SNX18: variants seen among roughly 807,000 people sequenced by gnomAD.
SNX18 encodes sorting nexin-18.
A neutral mutation model predicts 48.7 loss-of-function variants in SNX18; 35 were observed. That is an observed-to-expected ratio of 0.72 (90% CI 0.55 to 0.95). The LOEUF (loss-of-function observed/expected upper bound fraction) is 0.95, where lower values mean the gene tolerates loss of function less well. SNX18 is among the 40% of genes least tolerant of loss of function. SNX18 has a pLI of 0.00. For synonymous variants in SNX18, 492 were observed against 384.7 expected (o/e 1.28, Z -3.26); for missense variants, 824 against 871.0 (o/e 0.95, Z 0.68).
the SNX18 span, among the ~76,000 whole-genome samples, chr5:54,633,679 A>C: frequency 1.3e-5 from 2 of 152,226 alleles, no homozygotes; most frequent in Admixed American, 6.5e-5. Flanking sequence ...GTGTGGTAGA[A>C]ATACTCAACA....
chr5:54,522,048 G>C (rs1762042447), intron 1 of SNX18, among the ~76,000 whole-genome samples: 1 of 152,218 alleles, frequency 6.6e-6, no homozygotes, highest in Non-Finnish European at 1.5e-5. Context: ...TGTTTCTGCT[G>C]TAACCTTGGT....
chr5:54,598,682 C>A, the SNX18 span, among the ~76,000 whole-genome samples: 1 of 152,130 alleles, frequency 6.6e-6, no homozygotes, highest in Non-Finnish European at 1.5e-5. Flanking sequence ...AATTCAGCAT[C>A]CCTTTTTGTT....
rs761855549 is a variant in SNX18, at chr5:54,518,876, G to A, written c.924G>A (p.Pro308=). 1.2e-6 allele frequency: 2 copies of A among 1,613,710 alleles called. No individual in the cohort carries two copies. Among genetic ancestry groups the A allele is most frequent in the African/African-American group, 1.3e-5 (1 of 75,058 alleles). The part of the protein sequence containing the change: ...YKLVPTHTQV[P]VHRRYKHFDW... The stretch of plus-strand genomic sequence containing the variant: ...TGGTGCCCACGCACACGCAGGTGCC[G>A]GTGCATCGGCGCTACAAGCACTTCG... The change falls in exon 1 of 2, where the codon CCG becomes CCA. Residue 308 remains proline (P), a synonymous_variant. Coordinates refer to ENST00000381410, the MANE Select transcript of SNX18 (RefSeq NM_001102575.2).
chr5:54,518,451 G>A lies in SNX18; in HGVS notation c.499G>A (p.Glu167Lys). 2 of 1,572,792 alleles carry A rather than the reference G, an allele frequency of 1.3e-6. No individual in the cohort carries two copies. Among genetic ancestry groups the A allele is most frequent in the Non-Finnish European group, 1.7e-6 (2 of 1,160,054 alleles). Residue 167 changes from glutamate to lysine, a missense_variant, in exon 1 of 2, where the codon GAG becomes AAG. Around this residue, in one of 3 missense-constraint regions of SNX18, gnomAD observed 377 missense variants for 350.6 expected, o/e 1.08. Transcript: ENST00000381410. ...GGACGACAGCTCCACGGTGGCGGACGAGCCGGGCGCTCTGGGCAGCGGAGC... is the reference window on the plus strand; with the variant it reads ...GGACGACAGCTCCACGGTGGCGGACAAGCCGGGCGCTCTGGGCAGCGGAGC... Reference protein sequence around the residue: ...EWDDSSTVADEPGALGSGAYP... With the variant: ...EWDDSSTVADKPGALGSGAYP...
the SNX18 span, among the ~76,000 whole-genome samples, chr5:54,580,998 G>T: frequency 3.9e-5 from 6 of 152,078 alleles, no homozygotes; most frequent in Non-Finnish European, 8.8e-5. Context: ...GAGGAGGTAG[G>T]ACTCAAAAAG....
the SNX18 span, among the ~76,000 whole-genome samples, chr5:54,586,060 G>A: frequency 6.6e-6 from 1 of 152,002 alleles, no homozygotes. Context: ...ACACACAGCT[G>A]TATATTTCCA....
intron 1 of SNX18, among the ~76,000 whole-genome samples, chr5:54,542,025 C>T (rs1000458773): frequency 6.6e-6 from 1 of 152,172 alleles, no homozygotes; most frequent in African/African-American, 2.4e-5. Context: ...GACTGCCAAG[C>T]CAGGCACTCT....
In SNX18 at chr5:54,543,243, GGCTGACGGCATTCAGGATC is replaced by G. The variant is rs1205218687; in HGVS notation, c.1691_1709del (p.Asp564ValfsTer20). On this transcript the variant is annotated frameshift_variant, in exon 2 of 2. Transcript: ENST00000381410. LOFTEE classifies it high-confidence loss of function. ...AGGAAGGGAAGATGGAGGTGCAGAA[GGCTGACGGCATTCAGGATC>G]GCTGTAACACTATTTCTTTTGCCAC... 1 of 1,614,112 alleles carries G rather than the reference GGCTGACGGCATTCAGGATC, an allele frequency of 6.2e-7. No homozygotes were observed. Among genetic ancestry groups the G allele is most frequent in the East Asian group, 2.2e-5 (1 of 44,870 alleles).
the SNX18 span, among the ~76,000 whole-genome samples, chr5:54,627,692 G>T: frequency 0.035 from 5,255 of 152,128 alleles, 123 homozygotes; most frequent in East Asian, 0.084. Flanking sequence ...AGTGGCAGGG[G>T]TGCAGATTCC....
chr5:54,517,927 G>T lies in SNX18; in HGVS notation c.-26G>T, dbSNP rs769851361. On this transcript the variant is annotated 5_prime_UTR_variant, in exon 1 of 2. Transcript: ENST00000381410. ...CCTCGGCTCGGGACGCCGGGAGTCG[G>T]GACCGCCAGTCGGGGCGCCGGGACC... 2 of 1,489,618 alleles carry T rather than the reference G, an allele frequency of 1.3e-6. No homozygotes were observed. The highest frequency in any genetic ancestry group is 1.8e-6 in the Non-Finnish European group (2 of 1,124,346). 92.3% of individuals were successfully genotyped at this position (1,489,618 alleles called of 1,614,324 possible). A position where few individuals can be genotyped will look rare whatever the true frequency, so the allele number is the denominator to read the frequency against.
the SNX18 span, among the ~76,000 whole-genome samples, chr5:54,612,034 T>A: frequency 6.6e-6 from 1 of 152,132 alleles, no homozygotes; most frequent in Admixed American, 6.5e-5. Flanking sequence ...TGCTTCACCA[T>A]GCCTGGCTAA....
At chr5:54,560,368 T>C in the SNX18 span, among the ~76,000 whole-genome samples, 3 of 152,118 alleles carry the variant, frequency 2.0e-5, no homozygotes, top group South Asian at 2.1e-4. Context: ...CAAACGAATA[T>C]AGGAACAGAA....
the SNX18 span, among the ~76,000 whole-genome samples, chr5:54,612,026 C>T: frequency 4.6e-5 from 7 of 152,194 alleles, no homozygotes; most frequent in South Asian, 1.5e-3. Flanking sequence ...TACAAGTGTG[C>T]TTCACCATGC....
intron 1 of SNX18, among the ~76,000 whole-genome samples, chr5:54,528,811 G>A (rs557154916): frequency 6.6e-6 from 1 of 152,282 alleles, no homozygotes; most frequent in African/African-American, 2.4e-5. Flanking sequence ...TTGCCAAGCC[G>A]GCAGAGTCGG....
the SNX18 span, among the ~76,000 whole-genome samples, chr5:54,559,572 G>A: frequency 6.6e-6 from 1 of 152,038 alleles, no homozygotes; most frequent in Non-Finnish European, 1.5e-5. Context: ...AACTCAAGAT[G>A]GACTAAAGAC....
intron 1 of SNX18, among the ~76,000 whole-genome samples, chr5:54,529,184 T>C (rs977686438): frequency 9.9e-5 from 15 of 152,202 alleles, no homozygotes; most frequent in African/African-American, 3.4e-4. Flanking sequence ...TTGGGGGCAG[T>C]GTCCGTGGCG....
At chr5:54,587,053 T>C in the SNX18 span, among the ~76,000 whole-genome samples, 2 of 151,810 alleles carry the variant, frequency 1.3e-5, no homozygotes, top group African/African-American at 4.8e-5. Context: ...AAACTCCTGA[T>C]GGCAGAGTTA....
At chr5:54,609,750 C>T in the SNX18 span, among the ~76,000 whole-genome samples, 5 of 152,170 alleles carry the variant, frequency 3.3e-5, no homozygotes, top group Non-Finnish European at 5.9e-5. Context: ...ATTGCCATGC[C>T]GTGGTGATAT....
chr5:54,626,700 T>A, the SNX18 span, among the ~76,000 whole-genome samples: 5 of 152,192 alleles, frequency 3.3e-5, no homozygotes, highest in African/African-American at 1.2e-4. Context: ...AGAGGCCAGG[T>A]AACCCTCTAC....
Sources: gnomAD v4.1 joint callset for allele counts (sites outside exome capture counted in the v4.1 genomes callset) on GRCh38, gnomAD v4.1.1 for gene constraint, gnomAD v4.1.1 regional missense constraint, MANE v1.5 for transcripts, NCBI Gene and HGNC (gene_info 2026-07-23, HGNC 2026-07-21) for gene names.